MTMR12: variants seen among roughly 807,000 people sequenced by gnomAD.
MTMR12 encodes the protein myotubularin related protein 12.
A neutral mutation model predicts 96.7 loss-of-function variants in MTMR12; 33 were observed. The observed-to-expected ratio is 0.34, with a 90% CI of 0.26 to 0.46. The LOEUF is 0.46. Among genes scored for constraint, MTMR12 ranks in the 20% least tolerant of loss-of-function variants. The pLI, the probability that MTMR12 is intolerant of heterozygous loss-of-function variation, is 1.00. For synonymous variants in MTMR12, 298 were observed against 327.2 expected, an observed-to-expected ratio of 0.91 and a Z score of 0.96; for missense variants, 721 against 896.1, an observed-to-expected ratio of 0.80 and a Z score of 2.49.
At chr5:32,236,624 C>T (rs1020946462) in intron 13 of MTMR12, among the ~76,000 whole-genome samples, 2 of 151,928 alleles carry the variant, frequency 1.3e-5, no homozygotes, top group African/African-American at 4.8e-5. Context: ...GGTGAATCAC[C>T]TGAGGTCAAG....
chr5:32,238,973 G>A (rs371998945), intron 13 of MTMR12, 28 bp downstream of exon 13: 105 of 1,540,552 alleles, frequency 6.8e-5, no homozygotes, highest in Middle Eastern at 1.7e-4. Context: ...TCCCTATGAC[G>A]GAAACAGTCT....
intron 13 of MTMR12, among the ~76,000 whole-genome samples, chr5:32,238,650 T>C (rs1001062386): frequency 3.9e-5 from 6 of 152,226 alleles, no homozygotes; most frequent in African/African-American, 1.2e-4. Flanking sequence ...TATCTTTTTA[T>C]TGCAAAGACT....
In MTMR12 at chr5:32,227,075, A is replaced by T. The variant is rs1196387092; in HGVS notation, c.*2703T>A. The T allele has an allele frequency of 6.5e-6, 1 of 152,682 alleles. No homozygotes were observed. Among genetic ancestry groups the T allele is most frequent in the Admixed American group, 6.5e-5 (1 of 15,288 alleles). The allele number at this position is 152,682 out of a possible 1,614,324, so 9.5% of individuals were successfully genotyped here. A position where few individuals can be genotyped will look rare whatever the true frequency, so the allele number is the denominator to read the frequency against. ...CAGTGAGATACAAGTATAAACTTTCATTGTGCATCCAGAAAATAAAAAGCA... is the reference window on the plus strand; with the variant it reads ...CAGTGAGATACAAGTATAAACTTTCTTTGTGCATCCAGAAAATAAAAAGCA... On this transcript the variant is annotated 3_prime_UTR_variant, in exon 16 of 16. Coordinates refer to ENST00000382142, the MANE Select transcript of MTMR12 (RefSeq NM_001040446.3).
chr5:32,238,899 C>A, intron 13 of MTMR12, 102 bp downstream of exon 13: 1 of 1,286,486 alleles, frequency 7.8e-7, no homozygotes, highest in Non-Finnish European at 1.0e-6. Context: ...GTTTGGCTTA[C>A]ACTTTGCAAG....
At position 32,233,004 on chromosome 5, in the gene MTMR12, T is replaced by C. The variant is rs1378623740; in HGVS notation, c.1674+769A>G. The C allele has an allele frequency of 1.0e-6, 1 of 985,160 alleles. No individual in the cohort carries two copies. Among genetic ancestry groups the C allele is most frequent in the Non-Finnish European group, 1.2e-6 (1 of 829,752 alleles). 61.0% of individuals were successfully genotyped at this position (985,160 alleles called of 1,614,324 possible). On this transcript the variant is annotated intron_variant, in intron 15 of 15. Transcript: ENST00000382142. The surrounding 1 kb of genome is among the most constrained non-coding windows in gnomAD (Gnocchi z 5.0). ...TGTGGACTCTGTGGGGGAGAAATTC[T>C]GGGCCTGGAGACAGAGCTAGGAAAT...
intron 1 of MTMR12, among the ~76,000 whole-genome samples, chr5:32,298,578 T>C (rs1032450876): frequency 1.3e-5 from 2 of 152,128 alleles, no homozygotes; most frequent in African/African-American, 4.8e-5. Flanking sequence ...ACTGTAAAGG[T>C]ACCCATGGTG....
intron 8 of MTMR12, among the ~76,000 whole-genome samples, chr5:32,252,391 G>A (rs1011977625): frequency 6.6e-6 from 1 of 152,230 alleles, no homozygotes; most frequent in Non-Finnish European, 1.5e-5. Context: ...TTCTGTGAAT[G>A]AAATGAAAGA....
In MTMR12 at chr5:32,229,603, T is replaced by C; in HGVS notation, c.*175A>G. 1 of 501,612 alleles carries C rather than the reference T, an allele frequency of 2.0e-6. No homozygotes were observed. Among genetic ancestry groups the C allele is most frequent in the African/African-American group, 2.0e-5 (1 of 50,648 alleles). The allele number at this position is 501,612 out of a possible 1,614,324, so 31.1% of individuals were successfully genotyped here. A position where few individuals can be genotyped will look rare whatever the true frequency, so the allele number is the denominator to read the frequency against. ...TACAGATGCGGTTTTAATTGCATAG[T>C]CTTTTAGAATCATGAAAAATAATGA... is the stretch of plus-strand genomic sequence containing the variant. On this transcript the variant is annotated 3_prime_UTR_variant, in exon 16 of 16. Transcript: ENST00000382142.
At chr5:32,296,575 G>C (rs1750934609) in intron 1 of MTMR12, 5 of 228,908 alleles carry the variant, frequency 2.2e-5, no homozygotes, top group Admixed American at 4.4e-5. Flanking sequence ...TGAGGTGGTG[G>C]GGGAGTGGGG....
intron 7 of MTMR12, among the ~76,000 whole-genome samples, chr5:32,257,201 C>T (rs879347807): frequency 6.6e-6 from 1 of 152,188 alleles, no homozygotes. Context: ...CGAAGTGGCA[C>T]ACACCTGTAG....
In MTMR12 at chr5:32,233,310, CAG is replaced by C. The variant is rs999658697; in HGVS notation, c.1674+461_1674+462del. On this transcript the variant is annotated intron_variant, in intron 15 of 15. Coordinates refer to ENST00000382142, the MANE Select transcript of MTMR12 (RefSeq NM_001040446.3). This position sits in a 1 kb window ranked among gnomAD's most constrained non-coding sequence, Gnocchi z 5.0. Reference sequence around the variant, plus strand: ...TACAACAGTAGAGGGGTAGTTGTGACAGAGACTTTGCAGCCCTTGACAGAGTT... The same window carrying C: ...TACAACAGTAGAGGGGTAGTTGTGACAGACTTTGCAGCCCTTGACAGAGTT... 4.6e-5 allele frequency among the ~76,000 whole-genome samples: 7 copies of C among 152,136 alleles called. No homozygotes were observed. The East Asian group carries it at 9.7e-4, about 21-fold the overall frequency.
intron 1 of MTMR12, among the ~76,000 whole-genome samples, chr5:32,310,976 C>T (rs763865271): frequency 6.6e-6 from 1 of 151,524 alleles, no homozygotes; most frequent in African/African-American, 2.4e-5. Flanking sequence ...TGGGTTCAAG[C>T]GATTCTCCTG....
chr5:32,284,123 A>G (rs1360104582), intron 1 of MTMR12, among the ~76,000 whole-genome samples: 1 of 151,888 alleles, frequency 6.6e-6, no homozygotes, highest in Non-Finnish European at 1.5e-5. Flanking sequence ...CCTGGGCAAC[A>G]TGGCCAAACC....
intron 15 of MTMR12, chr5:32,232,940 C>T: frequency 2.0e-6 from 2 of 981,792 alleles, no homozygotes; most frequent in Non-Finnish European, 1.2e-6. Context: ...AAGGCAGTGA[C>T]ACACATCGAC....
At chr5:32,262,984 T>A (rs1749426807) in intron 7 of MTMR12, 129 bp downstream of exon 7, 2 of 1,240,350 alleles carry the variant, frequency 1.6e-6, no homozygotes, top group Non-Finnish European at 2.2e-6. Flanking sequence ...ATGGAGTTTC[T>A]TTTTGGGAGG....
At chr5:32,253,065 C>T (rs947728609) in intron 8 of MTMR12, among the ~76,000 whole-genome samples, 1 of 152,186 alleles carries the variant, frequency 6.6e-6, no homozygotes, top group Non-Finnish European at 1.5e-5. Context: ...CATTTTGTGC[C>T]CCCACCCCAC....
At chr5:32,240,737 AC>A (rs1748436509) in intron 12 of MTMR12, among the ~76,000 whole-genome samples, 2 of 152,114 alleles carry the variant, frequency 1.3e-5, no homozygotes, top group South Asian at 4.1e-4. Flanking sequence ...AGTAGCCAGG[AC>A]TACAGGCACA....
chr5:32,288,255 CT>C (rs1159850010), intron 1 of MTMR12, among the ~76,000 whole-genome samples: 2 of 152,112 alleles, frequency 1.3e-5, no homozygotes, highest in Non-Finnish European at 2.9e-5. Context: ...CTCTGATGAA[CT>C]TTTTTTGCCA....
At position 32,233,473 on chromosome 5, in the gene MTMR12, A is replaced by AAAC. The variant is rs1748085093; in HGVS notation, c.1674+299_1674+300insGTT. ...CTCTACTAACACACACACACACACAAACACACACACACACACACACACACA... is the reference window on the plus strand; with the variant it reads ...CTCTACTAACACACACACACACACAAAACACACACACACACACACACACACACA... On this transcript the variant is annotated intron_variant, in intron 15 of 15. Transcript: ENST00000382142. This position sits in a 1 kb window ranked among gnomAD's most constrained non-coding sequence, Gnocchi z 5.0. Among the ~76,000 whole-genome samples, 55 of 60,000 alleles carry AAAC rather than the reference A, an allele frequency of 9.2e-4. 1 individual carries two copies. Among genetic ancestry groups the AAAC allele is most frequent in the South Asian group, 8.5e-3 (17 of 1,998 alleles). The allele number at this position is 60,000 out of a possible 152,430, so 39.4% of individuals were successfully genotyped here. A position where few individuals can be genotyped will look rare whatever the true frequency, so the allele number is the denominator to read the frequency against.
Sources: allele counts gnomAD v4.1 joint callset (sites outside exome capture counted in the v4.1 genomes callset), GRCh38; gene constraint gnomAD v4.1.1; non-coding constraint Gnocchi (gnomAD v3.1); transcripts MANE v1.5; gene names NCBI Gene and HGNC (gene_info 2026-07-23, HGNC 2026-07-21).